RASAL2: variants seen among roughly 807,000 people sequenced by gnomAD.
RASAL2 encodes ras GTPase-activating protein nGAP.
A neutral mutation model predicts 128.9 loss-of-function variants in RASAL2; 58 were observed. That is an observed-to-expected ratio of 0.45 (90% confidence interval 0.36 to 0.56). The LOEUF (loss-of-function observed/expected upper bound fraction) is 0.56, where lower values mean the gene tolerates loss of function less well. RASAL2 is among the 20% of genes least tolerant of loss of function. The probability of loss-of-function intolerance (pLI) is 0.00; values close to 1 mark genes in which losing one functional copy is unlikely to be tolerated. For missense variants in RASAL2, 1,360 were observed against 1,601.6 expected (o/e 0.85, Z 2.57); for synonymous variants, 561 against 580.8 (o/e 0.97, Z 0.49).
chr1:178,230,877 C>T (rs1007327844), intron 1 of RASAL2, among the ~76,000 whole-genome samples: 1 of 152,078 alleles, frequency 6.6e-6, no homozygotes, highest in Non-Finnish European at 1.5e-5. Flanking sequence ...GTAGGCTGCC[C>T]GCATGCACAG....
intron 2 of RASAL2, among the ~76,000 whole-genome samples, chr1:178,286,856 G>A (rs1667053824): frequency 6.6e-6 from 1 of 152,170 alleles, no homozygotes; most frequent in African/African-American, 2.4e-5. Context: ...CTAGCTGTCA[G>A]TTCCTTGAAC....
chr1:178,411,191 CA>C (rs1174319241), intron 4 of RASAL2, among the ~76,000 whole-genome samples: 15 of 148,778 alleles, frequency 1.0e-4, no homozygotes, highest in Non-Finnish European at 1.5e-4. Flanking sequence ...CACACACACA[CA>C]CCCCATGGAA....
chr1:178,443,049 T>G lies in RASAL2; in HGVS notation c.1302T>G (p.Ile434Met), dbSNP rs1419576388. ...KGKTGGPSIR[I>M]KSRFQTITIL... ...AGACAGGAGGACCTTCTATTCGGATTAAATCACGTTTCCAAACTATCACCA... is the reference window on the plus strand; with the variant it reads ...AGACAGGAGGACCTTCTATTCGGATGAAATCACGTTTCCAAACTATCACCA... The change falls in exon 8 of 18, where the codon ATT becomes ATG. Residue 434 changes from isoleucine (I) to methionine (M), a missense_variant. Ile to Met is a conservative substitution (Grantham distance 10). Coordinates refer to ENST00000367649, the MANE Select transcript of RASAL2 (RefSeq NM_170692.4). 1 of 1,614,050 alleles carries G rather than the reference T, an allele frequency of 6.2e-7. No homozygotes were observed. The highest frequency in any genetic ancestry group is 1.1e-5 in the South Asian group (1 of 91,074).
chr1:178,137,447 G>C (rs1409327600), intron 1 of RASAL2, among the ~76,000 whole-genome samples: 1 of 152,150 alleles, frequency 6.6e-6, no homozygotes, highest in East Asian at 1.9e-4. Context: ...GTCTCCCTCT[G>C]TTGTTTTTCT....
At chr1:178,371,353 A>AC (rs59882717) in intron 3 of RASAL2, among the ~76,000 whole-genome samples, 21 of 109,638 alleles carry the variant, frequency 1.9e-4, no homozygotes, top group Admixed American at 1.8e-3. Context: ...CACACACACA[A>AC]ATACACACAC....
chr1:178,373,531 C>G (rs760299463), intron 3 of RASAL2, among the ~76,000 whole-genome samples: 4 of 151,856 alleles, frequency 2.6e-5, no homozygotes, highest in Non-Finnish European at 4.4e-5. Flanking sequence ...GAAACAAATA[C>G]AGATATCCCT....
intron 1 of RASAL2, among the ~76,000 whole-genome samples, chr1:178,164,914 A>G (rs1009327373): frequency 2.0e-5 from 3 of 151,414 alleles, no homozygotes; most frequent in African/African-American, 7.3e-5. Context: ...TCTGGATTCA[A>G]CCAAGTATGT....
rs542596790 is a variant in RASAL2 at position 178,372,523 on chromosome 1, AAGAG to A, written c.458-17571_458-17568del. ...GCCACCAACACTAGCTATGAGAAAT[AAGAG>A]AGAGATTGCTTTGCCTTAACAAAGA... On this transcript the variant is annotated intron_variant, in intron 3 of 17. Transcript: ENST00000367649. Among the ~76,000 whole-genome samples, 548 of 152,316 alleles carry A rather than the reference AAGAG, an allele frequency of 3.6e-3. 1 individual carries two copies. Among genetic ancestry groups the A allele is most frequent in the Non-Finnish European group, 5.9e-3 (402 of 68,018 alleles).
intron 14 of RASAL2, 134 bp downstream of exon 14, chr1:178,458,678 A>G (rs1677962067): frequency 7.7e-7 from 1 of 1,304,126 alleles, no homozygotes; most frequent in Non-Finnish European, 1.0e-6. Flanking sequence ...TGGAAAGAGG[A>G]AAGGAAAAAT....
chr1:178,225,555 G>A (rs1013484553), intron 1 of RASAL2, among the ~76,000 whole-genome samples: 1 of 151,778 alleles, frequency 6.6e-6, no homozygotes, highest in Non-Finnish European at 1.5e-5. Flanking sequence ...ATATAGCCAT[G>A]GTTAAAACTT....
At chr1:178,265,514 C>T (rs967469429) in intron 1 of RASAL2, among the ~76,000 whole-genome samples, 1 of 152,136 alleles carries the variant, frequency 6.6e-6, no homozygotes, top group African/African-American at 2.4e-5. Flanking sequence ...TCATTTGAAC[C>T]TCAAAAAACT....
At chr1:178,174,152 G>A (rs1023911165) in intron 1 of RASAL2, among the ~76,000 whole-genome samples, 9 of 152,026 alleles carry the variant, frequency 5.9e-5, no homozygotes, top group African/African-American at 9.6e-5. Flanking sequence ...TATGAAAAAC[G>A]TATTAGCATA....
At chr1:178,102,385 A>G (rs1042697700) in intron 1 of RASAL2, among the ~76,000 whole-genome samples, 5 of 151,838 alleles carry the variant, frequency 3.3e-5, no homozygotes, top group East Asian at 1.9e-4. Context: ...CAGTGGCGCA[A>G]TCATAGCTCA....
chr1:178,115,346 T>C (rs1000504267), intron 1 of RASAL2, among the ~76,000 whole-genome samples: 2 of 152,254 alleles, frequency 1.3e-5, no homozygotes, highest in Non-Finnish European at 1.5e-5. Flanking sequence ...TATTAGTTTA[T>C]GTCTTCCCTG....
At chr1:178,430,575 C>T (rs940705297) in intron 5 of RASAL2, among the ~76,000 whole-genome samples, 2 of 152,038 alleles carry the variant, frequency 1.3e-5, no homozygotes, top group Non-Finnish European at 2.9e-5. Context: ...TACAATCTTA[C>T]TCCTTCACAT....
At chr1:178,312,170 GAA>G (rs1487226027) in intron 3 of RASAL2, among the ~76,000 whole-genome samples, 11 of 152,078 alleles carry the variant, frequency 7.2e-5, no homozygotes, top group African/African-American at 2.7e-4. Context: ...ATAATTTCAG[GAA>G]ATTTCCCACC....
At chr1:178,388,306 C>T (rs1237806897) in intron 3 of RASAL2, among the ~76,000 whole-genome samples, 2 of 152,150 alleles carry the variant, frequency 1.3e-5, no homozygotes, top group East Asian at 3.8e-4. Context: ...CAATGTGCTC[C>T]AACAAGCTGA....
intron 1 of RASAL2, among the ~76,000 whole-genome samples, chr1:178,138,635 AT>A (rs1326231734): frequency 1.3e-5 from 2 of 152,084 alleles, no homozygotes; most frequent in African/African-American, 4.8e-5. Flanking sequence ...TTTTTTTCAC[AT>A]TCTAAGGGCT....
chr1:178,457,649 C>G (rs1558005918), intron 13 of RASAL2, 34 bp from the exon 14 acceptor site: 1 of 1,591,336 alleles, frequency 6.3e-7, no homozygotes, highest in Non-Finnish European at 8.6e-7. Context: ...GAAGTTGTCT[C>G]AAGAGAAATT....
Sources: allele counts gnomAD v4.1 joint callset (sites outside exome capture counted in the v4.1 genomes callset), GRCh38; gene constraint gnomAD v4.1.1; transcripts MANE v1.5; gene names NCBI Gene and HGNC (gene_info 2026-07-23, HGNC 2026-07-21).